Variants in EVC2 observed in about 807,000 individuals in gnomAD.
EVC2 encodes the protein limbin.
Under a neutral mutation model 149.3 loss-of-function variants are expected in EVC2, and 148 were observed. That is an observed-to-expected ratio of 0.99 (90% CI 0.87 to 1.14). The LOEUF (loss-of-function observed/expected upper bound fraction) is 1.14, where lower values mean the gene tolerates loss of function less well. Among genes scored for constraint, EVC2 ranks in the 50% most tolerant of loss-of-function variants. EVC2 has a pLI of 0.00. For missense variants in EVC2, 1,854 were observed against 1,627.3 expected, an observed-to-expected ratio of 1.14 and a Z score of -2.40; for synonymous variants, 776 against 649.9, an observed-to-expected ratio of 1.19 and a Z score of -2.95.
At chr4:5,676,727 C>G (rs1330564951) in intron 7 of EVC2, among the ~76,000 whole-genome samples, 1 of 152,222 alleles carries the variant, frequency 6.6e-6, no homozygotes, top group Non-Finnish European at 1.5e-5. Context: ...TCCAGGAAGC[C>G]TGCCAGTCCA....
the EVC2 span, among the ~76,000 whole-genome samples, chr4:5,531,868 A>G: frequency 6.6e-6 from 1 of 152,164 alleles, no homozygotes; most frequent in Admixed American, 6.5e-5. Context: ...CTGCCAGTTC[A>G]TGGAAAAATT....
intron 9 of EVC2, among the ~76,000 whole-genome samples, chr4:5,652,581 G>T (rs1434366258): frequency 1.3e-5 from 2 of 152,150 alleles, no homozygotes; most frequent in Non-Finnish European, 2.9e-5. Context: ...GGAAGTTAAG[G>T]TCCTCAGGAG....
chr4:5,624,961 C>G (rs776792091), intron 13 of EVC2, among the ~76,000 whole-genome samples: 9 of 152,124 alleles, frequency 5.9e-5, no homozygotes, highest in Non-Finnish European at 1.3e-4. Flanking sequence ...ACTCAGGGCT[C>G]TGTGTCAGTT....
chr4:5,602,692 A>G (rs1293028332), intron 16 of EVC2, among the ~76,000 whole-genome samples: 2 of 152,238 alleles, frequency 1.3e-5, no homozygotes, highest in East Asian at 3.8e-4. Flanking sequence ...ACATGCTTAT[A>G]ATCATAGAAG....
At chr4:5,541,957 T>C (rs1310805625), downstream of EVC2, among the ~76,000 whole-genome samples, 1 of 152,118 alleles carries the variant, frequency 6.6e-6, no homozygotes, top group Non-Finnish European at 1.5e-5. Context: ...CTAATTTCAA[T>C]GTGATGGCGT....
intron 19 of EVC2, among the ~76,000 whole-genome samples, chr4:5,574,473 C>T (rs1311652839): frequency 2.0e-5 from 3 of 152,228 alleles, no homozygotes; most frequent in Non-Finnish European, 4.4e-5. Context: ...GACTGGGGCA[C>T]ATGTGATTAT....
At chr4:5,529,615 T>TA in the EVC2 span, among the ~76,000 whole-genome samples, 1 of 152,154 alleles carries the variant, frequency 6.6e-6, no homozygotes, top group Non-Finnish European at 1.5e-5. This position sits in a 1 kb window ranked among gnomAD's most constrained non-coding sequence, Gnocchi z 4.5. Context: ...AGACACATAG[T>TA]AGGTGCTCAA....
intron 16 of EVC2, among the ~76,000 whole-genome samples, chr4:5,602,463 T>C (rs562741280): frequency 1.3e-5 from 2 of 151,918 alleles, no homozygotes; most frequent in Admixed American, 6.5e-5. Flanking sequence ...CTGTGAATAA[T>C]AATTAAGTGC....
rs572442467 is a variant in EVC2 at position 5,648,440 on chromosome 4, G to A, written c.1146-7602C>T. On this transcript the variant is annotated intron_variant, in intron 9 of 21. Coordinates refer to ENST00000344408, the MANE Select transcript of EVC2 (RefSeq NM_147127.5). Reference sequence around the variant, plus strand: ...TATGGCTGCTTGTGTTGGGAAAATGGCAGGTGCTGTACCAGGTGCTTTACC... The same window carrying A: ...TATGGCTGCTTGTGTTGGGAAAATGACAGGTGCTGTACCAGGTGCTTTACC... Among the ~76,000 whole-genome samples the A allele has an allele frequency of 1.7e-4, 26 of 152,316 alleles. No homozygotes were observed. In the South Asian group the frequency reaches 5.0e-3, roughly 29 times the overall value.
At chr4:5,568,117 GT>G (rs1432425209) in intron 20 of EVC2, among the ~76,000 whole-genome samples, 1 of 152,104 alleles carries the variant, frequency 6.6e-6, no homozygotes, top group Non-Finnish European at 1.5e-5. Context: ...ACACACACTT[GT>G]AAAACCCAGC....
rs543716222 is a variant in EVC2 at position 5,677,399 on chromosome 4, T to C, written c.870+3861A>G. On this transcript the variant is annotated intron_variant, in intron 7 of 21. Transcript: ENST00000344408. This position sits in a 1 kb window ranked among gnomAD's most constrained non-coding sequence, Gnocchi z 4.3. The stretch of plus-strand genomic sequence containing the variant: ...CTCCTCTTCCCACTCAACAGGGAGC[T>C]CCCTGAATGTGGTCCACAGCCTGGG... 1.3e-5 allele frequency among the ~76,000 whole-genome samples: 2 copies of C among 152,108 alleles called. No individual in the cohort carries two copies. Among genetic ancestry groups the C allele is most frequent in the Non-Finnish European group, 2.9e-5 (2 of 68,034 alleles).
intron 4 of EVC2, 55 bp downstream of exon 4, chr4:5,691,210 C>A: frequency 1.3e-6 from 2 of 1,504,780 alleles, no homozygotes; most frequent in African/African-American, 1.4e-5. Context: ...ATAAAATGAT[C>A]TGGGCAAAAT....
At chr4:5,647,125 C>A (rs1157750762) in intron 9 of EVC2, among the ~76,000 whole-genome samples, 1 of 152,146 alleles carries the variant, frequency 6.6e-6, no homozygotes, top group Non-Finnish European at 1.5e-5. Context: ...AAATGCCCCC[C>A]CAGACAGTGG....
chr4:5,607,452 CTG>C (rs1714481634), intron 16 of EVC2, among the ~76,000 whole-genome samples: 1 of 152,202 alleles, frequency 6.6e-6, no homozygotes, highest in Non-Finnish European at 1.5e-5. Context: ...GCTGCAAATT[CTG>C]TGTCTGTGCA....
chr4:5,573,992 TG>T (rs1722776043), intron 19 of EVC2, among the ~76,000 whole-genome samples: 1 of 152,220 alleles, frequency 6.6e-6, no homozygotes, highest in Non-Finnish European at 1.5e-5. Flanking sequence ...TTATTGCAGC[TG>T]GAACTGTGAG....
chr4:5,708,058 G>C, intron 1 of EVC2: 1 of 423,760 alleles, frequency 2.4e-6, no homozygotes, highest in South Asian at 6.9e-5. Flanking sequence ...AGGGTCGCTG[G>C]TGAAGTCCAA....
At chr4:5,591,150 C>G (rs1291262341) in intron 16 of EVC2, among the ~76,000 whole-genome samples, 3 of 152,162 alleles carry the variant, frequency 2.0e-5, no homozygotes, top group African/African-American at 7.2e-5. Context: ...GTGCATGTTT[C>G]TCGTTTCATA....
chr4:5,574,194 A>G lies in EVC2; in HGVS notation c.3360+491T>C, dbSNP rs76114795. 8.4e-3 allele frequency among the ~76,000 whole-genome samples: 1,280 copies of G among 152,322 alleles called. 14 individuals carry two copies. The highest frequency in any genetic ancestry group is 0.03 in the African/African-American group (1,234 of 41,570). ...CGATCGGTAGCAGACAGTCAGGTAC[A>G]TGACTGCATAAGGCTCCGTGCACAG... On this transcript the variant is annotated intron_variant, in intron 19 of 21. Transcript: ENST00000344408.
rs770002511 is a variant in EVC2, at chr4:5,622,703, C to T, written c.2335G>A (p.Glu779Lys). Residue 779 changes from glutamate (E) to lysine (K), a missense_variant, in exon 14 of 22, where the codon GAG becomes AAG. By Grantham distance (56) the Glu-to-Lys change is moderately conservative. Coordinates refer to ENST00000344408, the MANE Select transcript of EVC2 (RefSeq NM_147127.5). This position sits in a 1 kb window ranked among gnomAD's most constrained non-coding sequence, Gnocchi z 5.8. ...PWLFLQQILEEHGKEMAARAE... is the reference protein window; with the variant it reads ...PWLFLQQILEKHGKEMAARAE... ...CGTGCAGCCATCTCCTTGCCGTGCT[C>T]CTCCAGGATCTGCTGCAGGAAGAGC... is the stretch of plus-strand genomic sequence containing the variant. 6.2e-7 allele frequency: 1 copy of T among 1,614,162 alleles called. No homozygotes were observed. The highest frequency in any genetic ancestry group is 8.5e-7 in the Non-Finnish European group (1 of 1,180,044).
Sources: allele counts gnomAD v4.1 joint callset (sites outside exome capture counted in the v4.1 genomes callset), GRCh38; gene constraint gnomAD v4.1.1; non-coding constraint Gnocchi (gnomAD v3.1); transcripts MANE v1.5; gene names NCBI Gene and HGNC (gene_info 2026-07-23, HGNC 2026-07-21).